The following SP110 variants were observed in gnomAD, a reference collection of about 807,000 sequenced individuals.
The protein encoded by SP110 is SP110 nuclear body protein.
A neutral mutation model predicts 92.7 loss-of-function variants in SP110; 62 were observed. That is an observed-to-expected ratio of 0.67 (90% CI 0.55 to 0.83). The LOEUF (loss-of-function observed/expected upper bound fraction) is 0.83. SP110 is among the 40% of genes least tolerant of loss of function. The pLI is 0.00. For missense variants in SP110, 793 were observed against 863.9 expected, an observed-to-expected ratio of 0.92 and a Z score of 1.03; for synonymous variants, 273 against 305.3, an observed-to-expected ratio of 0.89 and a Z score of 1.10.
chr2:230,206,269 A>G (rs541222152), intron 8 of SP110, among the ~76,000 whole-genome samples: 2 of 152,014 alleles, frequency 1.3e-5, no homozygotes, highest in East Asian at 3.9e-4. Context: ...TCCTGCCTCC[A>G]TCACCAAAAT....
chr2:230,197,705 T>C lies in SP110; in HGVS notation c.1129+3180A>G, dbSNP rs369136461. On this transcript the variant is annotated intron_variant, in intron 10 of 18. Transcript: ENST00000258381. ...TAACATGTAAGTCTTTAATCCATCT[T>C]GAATTAATTTTTGTATAAGGTGTAA... Among the ~76,000 whole-genome samples, 74 of 152,264 alleles carry C rather than the reference T, an allele frequency of 4.9e-4. 1 individual carries two copies. In the South Asian group the frequency reaches 7.7e-3, roughly 16 times the overall value.
intron 10 of SP110, among the ~76,000 whole-genome samples, chr2:230,188,054 G>A (rs2042438364): frequency 6.6e-6 from 1 of 151,964 alleles, no homozygotes; most frequent in East Asian, 1.9e-4. Flanking sequence ...GATAAGAATT[G>A]CATTCAATCT....
chr2:230,174,794 C>A (rs2041776275), intron 14 of SP110, among the ~76,000 whole-genome samples: 1 of 152,226 alleles, frequency 6.6e-6, no homozygotes. Flanking sequence ...AGTGAGACTG[C>A]AGTGGAGACA....
rs764326169 is a variant in SP110 at position 230,216,923 on chromosome 2, A to C, written c.5T>G (p.Phe2Cys). The change falls in exon 2 of 19, where the codon TTC (phenylalanine) becomes TGC (cysteine). Residue 2 changes from phenylalanine to cysteine, a missense_variant. By Grantham distance (205) the Phe-to-Cys change is radical. Transcript: ENST00000258381. Reference sequence around the variant, plus strand: ...CTCTTCCATGGCTCTTGTCATGGTGAACATCCTATGGAAAGAGGCATGATA... The same window carrying C: ...CTCTTCCATGGCTCTTGTCATGGTGCACATCCTATGGAAAGAGGCATGATA... Reference protein sequence around the residue: MFTMTRAMEEAL... With the variant: MCTMTRAMEEAL... 1.9e-6 allele frequency: 3 copies of C among 1,613,490 alleles called. No individual in the cohort carries two copies. The highest frequency in any genetic ancestry group is 2.5e-6 in the Non-Finnish European group (3 of 1,179,878).
upstream of SP110, among the ~76,000 whole-genome samples, chr2:230,220,797 A>G (rs1051791725): frequency 6.6e-6 from 1 of 152,148 alleles, no homozygotes; most frequent in African/African-American, 2.4e-5. Context: ...TGAGCCTAGG[A>G]GTTTGAGACC....
intron 18 of SP110, 135 bp downstream of exon 18, chr2:230,170,484 GTT>G: frequency 9.6e-7 from 1 of 1,044,864 alleles, no homozygotes; most frequent in Non-Finnish European, 1.5e-6. Flanking sequence ...TGCCGAGGTG[GTT>G]TTTTTTCTGT....
At position 230,167,006 on chromosome 2, in the gene SP110, A is replaced by G. The variant is rs1369405739; in HGVS notation, c.*2118T>C. On this transcript the variant is annotated 3_prime_UTR_variant, in exon 19 of 19. Transcript: ENST00000258381. ...GACTGTTGGCAGCAGGGAAGAAACAATTTTTCAGCTCACAGGCCTCTAGTT... is the reference window on the plus strand; with the variant it reads ...GACTGTTGGCAGCAGGGAAGAAACAGTTTTTCAGCTCACAGGCCTCTAGTT... 1 of 151,832 alleles carries G rather than the reference A, an allele frequency of 6.6e-6. No homozygotes were observed. The highest frequency in any genetic ancestry group is 1.5e-5 in the Non-Finnish European group (1 of 68,028). The allele number at this position is 151,832 out of a possible 1,614,324, so 9.4% of individuals were successfully genotyped here.
intron 17 of SP110, chr2:230,171,362 G>A (rs778320216): frequency 2.2e-5 from 8 of 369,354 alleles, no homozygotes; most frequent in Non-Finnish European, 4.2e-5. Context: ...AAAGTGCTGG[G>A]ATTACAGGCG....
rs1426518042 is a variant in SP110, at chr2:230,202,647, C to T, written c.980G>A (p.Cys327Tyr). 6.2e-7 allele frequency: 1 copy of T among 1,614,096 alleles called. No individual in the cohort carries two copies. The highest frequency in any genetic ancestry group is 8.5e-7 in the Non-Finnish European group (1 of 1,179,926). ...GGCCCTTGTCTCTACCGTGGAGTTA[C>T]AAGTTGAGTCATCTTTCTTTTGAGG... Reference protein sequence around the residue: ...QVPQKKDDSTCNSTVETRAQK... With the variant: ...QVPQKKDDSTYNSTVETRAQK... The change falls in exon 9 of 19, where the codon TGT becomes TAT. Residue 327 changes from cysteine (C) to tyrosine (Y), a missense_variant. Coordinates refer to ENST00000258381, the MANE Select transcript of SP110 (RefSeq NM_080424.4).
At chr2:230,204,499 C>T (rs922858273) in intron 8 of SP110, among the ~76,000 whole-genome samples, 7 of 152,032 alleles carry the variant, frequency 4.6e-5, no homozygotes, top group African/African-American at 1.4e-4. Context: ...CCACGTGGTG[C>T]CCATAATGTC....
intron 18 of SP110, among the ~76,000 whole-genome samples, chr2:230,169,708 C>T (rs2106339685): frequency 6.6e-6 from 1 of 152,234 alleles, no homozygotes; most frequent in Admixed American, 6.5e-5. Context: ...CATGAGACTC[C>T]AGCTGGTTGT....
chr2:230,180,294 G>A (rs2042072265), intron 12 of SP110, among the ~76,000 whole-genome samples: 1 of 152,124 alleles, frequency 6.6e-6, no homozygotes, highest in Non-Finnish European at 1.5e-5. Context: ...TCATAATCCA[G>A]AAGACCAACT....
chr2:230,207,458 C>A (rs1344853368), intron 8 of SP110, among the ~76,000 whole-genome samples: 4 of 152,178 alleles, frequency 2.6e-5, no homozygotes, highest in Non-Finnish European at 5.9e-5. Context: ...AGACCCTTTA[C>A]AGTTCTTGAC....
At chr2:230,171,027 T>C in intron 17 of SP110, 1 of 543,396 alleles carries the variant, frequency 1.8e-6, no homozygotes. Context: ...TCAAGGAACC[T>C]ACCCAAGATG....
chr2:230,202,874 C>T (rs73000371), intron 8 of SP110, 146 bp from the exon 9 acceptor site: 95,293 of 765,050 alleles, frequency 0.12, 7,330 homozygotes, highest in South Asian at 0.26. Context: ...TCTCCTCCTA[C>T]TTCTCTATAA....
intron 8 of SP110, among the ~76,000 whole-genome samples, chr2:230,206,407 T>G (rs1181379257): frequency 6.6e-6 from 1 of 151,682 alleles, no homozygotes; most frequent in Non-Finnish European, 1.5e-5. Context: ...TTGGTGCTCC[T>G]CTGTCTTCAC....
At chr2:230,220,149 G>A, upstream of SP110, 2 of 907,300 alleles carry the variant, frequency 2.2e-6, no homozygotes, top group Non-Finnish European at 2.6e-6. Context: ...TTGGGGTTTG[G>A]GGGAGGGCGT....
rs1272112729 is a variant in SP110 at position 230,169,092 on chromosome 2, G to C, written c.*32C>G. ...CAGGGTCCCATCAGCTGAATCCTGA[G>C]GTGGGGATGCTTCAGTCTTTACAGA... On this transcript the variant is annotated 3_prime_UTR_variant, in exon 19 of 19. Transcript: ENST00000258381. The C allele has an allele frequency of 5.8e-6, 8 of 1,383,770 alleles. No homozygotes were observed. Among genetic ancestry groups the C allele is most frequent in the African/African-American group, 1.4e-5 (1 of 70,446 alleles). The allele number at this position is 1,383,770 out of a possible 1,614,324, so 85.7% of individuals were successfully genotyped here.
chr2:230,220,884 AC>A (rs2045756828), upstream of SP110, among the ~76,000 whole-genome samples: 2 of 152,080 alleles, frequency 1.3e-5, no homozygotes, highest in Admixed American at 1.3e-4. Context: ...GGTGGCATGC[AC>A]CTTGTAGTCC....
Sources: allele counts gnomAD v4.1 joint callset (sites outside exome capture counted in the v4.1 genomes callset), GRCh38; gene constraint gnomAD v4.1.1; transcripts MANE v1.5; gene names NCBI Gene and HGNC (gene_info 2026-07-23, HGNC 2026-07-21).